Variants in FBXO46 observed in about 807,000 individuals in gnomAD.
The protein encoded by FBXO46 is F-box protein 46.
In FBXO46, 13 loss-of-function variants were observed where a neutral mutation model predicts 30.7. That is an observed-to-expected ratio of 0.42 (90% CI 0.28 to 0.67). The LOEUF (loss-of-function observed/expected upper bound fraction) is 0.67. FBXO46 is among the 30% of genes least tolerant of loss of function. The probability of loss-of-function intolerance (pLI) is 0.21; values close to 1 mark genes in which losing one functional copy is unlikely to be tolerated. For missense variants in FBXO46, 754 were observed against 871.5 expected, an observed-to-expected ratio of 0.87 and a Z score of 1.70; for synonymous variants, 467 against 385.8, an observed-to-expected ratio of 1.21 and a Z score of -2.47.
intron 1 of FBXO46, among the ~76,000 whole-genome samples, chr19:45,724,219 A>C (rs1238605527): frequency 6.6e-6 from 1 of 152,212 alleles, no homozygotes; most frequent in Non-Finnish European, 1.5e-5. Flanking sequence ...GATGTGACAC[A>C]TAGGATCAGG....
At chr19:45,725,688 T>G (rs1159452405) in intron 1 of FBXO46, among the ~76,000 whole-genome samples, 1 of 151,806 alleles carries the variant, frequency 6.6e-6, no homozygotes, top group South Asian at 2.1e-4. Context: ...GAGCCGAGAC[T>G]GTACCACTGC....
At chr19:45,715,806 C>CAAAAAAAAAAAAAAAAA (rs71175215) in intron 1 of FBXO46, 3 of 79,432 alleles carry the variant, frequency 3.8e-5, no homozygotes, top group Non-Finnish European at 4.5e-5. Flanking sequence ...AACTCCATCT[C>CAAAAAAAAAAAAAAAAA]AAAAAAAAAA....
At chr19:45,717,557 T>C (rs112550101) in intron 1 of FBXO46, among the ~76,000 whole-genome samples, 14 of 152,090 alleles carry the variant, frequency 9.2e-5, no homozygotes, top group Non-Finnish European at 1.9e-4. Flanking sequence ...CACAGCCGGA[T>C]GCAAGGGAGC....
intron 1 of FBXO46, among the ~76,000 whole-genome samples, chr19:45,730,442 C>A (rs1042010043): frequency 6.6e-6 from 1 of 151,970 alleles, no homozygotes; most frequent in African/African-American, 2.4e-5. Context: ...GAGGCCCCAA[C>A]CCATTGCGTC....
At chr19:45,718,025 C>T (rs1281964707) in intron 1 of FBXO46, among the ~76,000 whole-genome samples, 21 of 152,178 alleles carry the variant, frequency 1.4e-4, no homozygotes, top group Non-Finnish European at 2.6e-4. Context: ...TGTTAAAGCA[C>T]AGTCCTATAA....
chr19:45,730,587 T>C (rs1029769333), intron 1 of FBXO46, among the ~76,000 whole-genome samples: 1 of 151,674 alleles, frequency 6.6e-6, no homozygotes, highest in Non-Finnish European at 1.5e-5. Context: ...CAGCCCAGTC[T>C]CCAACTCGGG....
At chr19:45,730,018 A>C (rs1361049204) in intron 1 of FBXO46, among the ~76,000 whole-genome samples, 1 of 152,146 alleles carries the variant, frequency 6.6e-6, no homozygotes, top group Non-Finnish European at 1.5e-5. Flanking sequence ...TAACGATTTT[A>C]ATGACTCCCT....
rs73042368 is a variant in FBXO46 at position 45,715,152 on chromosome 19, G to A, written c.-78-1579C>T. ...TGGAGGCAATCTTGCGCATGAGTCC[G>A]ACATGATCACTTTCACTGCAGTTTG... On this transcript the variant is annotated intron_variant, in intron 1 of 1. Transcript: ENST00000317683. 406 of 152,310 alleles carry A rather than the reference G, an allele frequency of 2.7e-3. 1 individual carries two copies. The highest frequency in any genetic ancestry group is 4.6e-3 in the Non-Finnish European group (315 of 68,032). 9.4% of individuals were successfully genotyped at this position (152,310 alleles called of 1,614,324 possible).
At position 45,714,040 on chromosome 19, in the gene FBXO46, AG is replaced by A. The variant is rs1209753636; in HGVS notation, c.-78-468del. Among the ~76,000 whole-genome samples, 38 of 149,890 alleles carry A rather than the reference AG, an allele frequency of 2.5e-4. 1 individual carries two copies. Among genetic ancestry groups the A allele is most frequent in the South Asian group, 2.1e-4 (1 of 4,720 alleles). ...TCAGGTGAGCAGACAGAGGTTGCAG[AG>A]GGGATGAGAGATGCCCTTTTAACTT... On this transcript the variant is annotated intron_variant, in intron 1 of 1. Transcript: ENST00000317683.
chr19:45,723,816 C>T (rs1018084774), intron 1 of FBXO46, among the ~76,000 whole-genome samples: 9 of 151,978 alleles, frequency 5.9e-5, no homozygotes, highest in African/African-American at 1.2e-4. Flanking sequence ...TGCGCCACCA[C>T]GCCCAGCTAA....
Position 45,713,508 on chromosome 19 carries a change from T to A in FBXO46, c.-13A>T, listed in dbSNP as rs763310751. 6.5e-7 allele frequency: 1 copy of A among 1,536,658 alleles called. No individual in the cohort carries two copies. Among genetic ancestry groups the A allele is most frequent in the Non-Finnish European group, 8.8e-7 (1 of 1,138,076 alleles). On this transcript the variant is annotated 5_prime_UTR_variant, in exon 2 of 2. Coordinates refer to ENST00000317683, the MANE Select transcript of FBXO46 (RefSeq NM_001080469.2). The surrounding 1 kb of genome is among the most constrained non-coding windows in gnomAD (Gnocchi z 4.7). ...TCCCACGGTCCATGCTGGGGGATGA[T>A]GGCAGACAGGCTGGGCTTCAGCGCA... is the stretch of plus-strand genomic sequence containing the variant.
At chr19:45,728,541 A>G (rs2146163685) in intron 1 of FBXO46, among the ~76,000 whole-genome samples, 1 of 152,326 alleles carries the variant, frequency 6.6e-6, no homozygotes, top group Non-Finnish European at 1.5e-5. Context: ...CCAAAAGAAG[A>G]ACCCTTGCCC....
intron 1 of FBXO46, chr19:45,714,358 TTA>T (rs1568546302): frequency 2.6e-5 from 4 of 152,034 alleles, no homozygotes; most frequent in African/African-American, 9.7e-5. Context: ...AGACAAGCAC[TTA>T]AGAAATCGGC....
intron 1 of FBXO46, among the ~76,000 whole-genome samples, chr19:45,724,342 G>C (rs1968211135): frequency 6.6e-6 from 1 of 152,210 alleles, no homozygotes; most frequent in Non-Finnish European, 1.5e-5. Context: ...AGCAGGCCAA[G>C]CTGGCATAAG....
chr19:45,712,833 A>T lies in FBXO46; in HGVS notation c.663T>A (p.Gly221=). The part of the protein sequence containing the change: ...KGVGSERRSG[G]GDCSRVAEAV... The stretch of plus-strand genomic sequence containing the variant: ...CCTCGGCTACACGGCTGCAGTCCCC[A>T]CCACCGGACCGCCGTTCAGATCCCA... The change falls in exon 2 of 2, where the codon GGT becomes GGA. Residue 221 remains glycine, a synonymous_variant. Coordinates refer to ENST00000317683, the MANE Select transcript of FBXO46 (RefSeq NM_001080469.2). The surrounding 1 kb of genome is among the most constrained non-coding windows in gnomAD (Gnocchi z 8.8). 6.2e-7 allele frequency: 1 copy of T among 1,612,786 alleles called. No individual in the cohort carries two copies. Among genetic ancestry groups the T allele is most frequent in the Non-Finnish European group, 8.5e-7 (1 of 1,179,600 alleles).
At position 45,712,571 on chromosome 19, in the gene FBXO46, A is replaced by G; in HGVS notation, c.925T>C (p.Tyr309His). ...RAKDKITCDLYQLISPSRDAL... is the reference protein window; with the variant it reads ...RAKDKITCDLHQLISPSRDAL... ...TCCCGCGAGGGGCTGATGAGCTGGT[A>G]TAAGTCACATGTGATCTTGTCCTTG... The change falls in exon 2 of 2, where the codon TAC (tyrosine) becomes CAC (histidine). Residue 309 changes from tyrosine (Y) to histidine (H), a missense_variant. This residue lies in a region of FBXO46 where 454 missense variants were observed against 426.5 expected (regional missense o/e 1.06). Transcript: ENST00000317683. This position sits in a 1 kb window ranked among gnomAD's most constrained non-coding sequence, Gnocchi z 8.8. 6.3e-7 allele frequency: 1 copy of G among 1,594,184 alleles called. No homozygotes were observed. The highest frequency in any genetic ancestry group is 8.6e-7 in the Non-Finnish European group (1 of 1,169,460).
chr19:45,714,106 T>C (rs957720821), intron 1 of FBXO46, among the ~76,000 whole-genome samples: 1 of 151,430 alleles, frequency 6.6e-6, no homozygotes, highest in Non-Finnish European at 1.5e-5. Flanking sequence ...ACCAACCCCA[T>C]AGGTCCTACC....
intron 1 of FBXO46, among the ~76,000 whole-genome samples, chr19:45,720,091 G>T (rs1968149178): frequency 6.6e-6 from 1 of 151,864 alleles, no homozygotes. Flanking sequence ...CAATCTCCTG[G>T]GCTCAAGTGA....
intron 1 of FBXO46, among the ~76,000 whole-genome samples, chr19:45,726,644 T>TA (rs1012813536): frequency 5.7e-4 from 81 of 142,566 alleles, no homozygotes; most frequent in Admixed American, 9.1e-4. Context: ...CGAGACTGTC[T>TA]AAAAAAAAAA....
Sources: allele counts gnomAD v4.1 joint callset (sites outside exome capture counted in the v4.1 genomes callset), GRCh38; gene constraint gnomAD v4.1.1; regional missense constraint gnomAD v4.1.1; non-coding constraint Gnocchi (gnomAD v3.1); transcripts MANE v1.5; gene names NCBI Gene and HGNC (gene_info 2026-07-23, HGNC 2026-07-21).